The following CFAP53 variants were observed in gnomAD, a reference collection of about 807,000 sequenced individuals.
CFAP53 encodes the protein cilia and flagella associated protein 53.
A neutral mutation model predicts 59.7 loss-of-function variants in CFAP53; 62 were observed. That is an observed-to-expected ratio of 1.04 (90% CI 0.85 to 1.28). The LOEUF (loss-of-function observed/expected upper bound fraction) is 1.28, where lower values mean the gene tolerates loss of function less well. CFAP53 is among the 50% of genes most tolerant of loss of function. CFAP53 has a pLI of 0.00. For synonymous variants in CFAP53, 218 were observed against 205.7 expected, an observed-to-expected ratio of 1.06 and a Z score of -0.51; for missense variants, 629 against 615.6, an observed-to-expected ratio of 1.02 and a Z score of -0.23.
chr18:50,229,922 G>T (rs1270322846), intron 7 of CFAP53, among the ~76,000 whole-genome samples: 1 of 151,372 alleles, frequency 6.6e-6, no homozygotes, highest in Non-Finnish European at 1.5e-5. Flanking sequence ...TAATTTTTTT[G>T]TTGTTGTTGT....
chr18:50,239,853 G>A lies in CFAP53; in HGVS notation c.1214-1148C>T, dbSNP rs558745344. Among the ~76,000 whole-genome samples the A allele has an allele frequency of 3.9e-5, 6 of 152,218 alleles. No individual in the cohort carries two copies. In the South Asian group the frequency reaches 1.0e-3, roughly 26 times the overall value. ...AAAGCTGTGAATAGTAGCTATTCCT[G>A]GGTGGTAGAATTATGGTTGATTTTG... On this transcript the variant is annotated intron_variant, in intron 6 of 7. Coordinates refer to ENST00000398545, the MANE Select transcript of CFAP53 (RefSeq NM_145020.5).
rs187674661 is a variant in CFAP53 at position 50,248,995 on chromosome 18, G to A, written c.996+1763C>T. Among the ~76,000 whole-genome samples, 494 of 151,994 alleles carry A rather than the reference G, an allele frequency of 3.3e-3. 3 individuals carry two copies. The highest frequency in any genetic ancestry group is 0.011 in the African/African-American group (469 of 41,450). On this transcript the variant is annotated intron_variant, in intron 5 of 7. Transcript: ENST00000398545. Reference sequence around the variant, plus strand: ...AGGCAGGTTGATTACCTGAGGTCAGGAGTTTGAGACCAGCCTGGCCAACGT... The same window carrying A: ...AGGCAGGTTGATTACCTGAGGTCAGAAGTTTGAGACCAGCCTGGCCAACGT...
chr18:50,239,438 G>C (rs2033667817), intron 6 of CFAP53, among the ~76,000 whole-genome samples: 1 of 152,112 alleles, frequency 6.6e-6, no homozygotes, highest in Non-Finnish European at 1.5e-5. Flanking sequence ...AAAGGAAACA[G>C]AGTTTACAAA....
Position 50,266,392 on chromosome 18 carries a change from G to T in CFAP53, c.13C>A (p.Arg5=), listed in dbSNP as rs776668421. ...ACCTCCCGCTGTACGGTGCCAAACCGCTGGCTGTACATTTTCGAGTCCCCT... is the reference window on the plus strand; with the variant it reads ...ACCTCCCGCTGTACGGTGCCAAACCTCTGGCTGTACATTTTCGAGTCCCCT... MYSQ[R]FGTVQREVKG... The change falls in exon 1 of 8, where the codon CGG becomes AGG. Residue 5 remains arginine, a synonymous_variant. Transcript: ENST00000398545. The T allele has an allele frequency of 1.2e-6, 2 of 1,614,236 alleles. No homozygotes were observed. The highest frequency in any genetic ancestry group is 2.2e-5 in the East Asian group (1 of 44,884).
intron 4 of CFAP53, 37 bp from the exon 5 acceptor site, chr18:50,251,013 C>T (rs763294187): frequency 2.6e-6 from 4 of 1,552,816 alleles, no homozygotes; most frequent in Non-Finnish European, 3.6e-6. Context: ...TGCATCAGTA[C>T]AGTTGGACAA....
rs148842349 is a variant in CFAP53 at position 50,236,698 on chromosome 18, G to C, written c.1316+1905C>G. ...TGACTACAGTCAGCATACACTGCCAGCTATATGAGTAGGTGTCCTAGGTTG... is the reference window on the plus strand; with the variant it reads ...TGACTACAGTCAGCATACACTGCCACCTATATGAGTAGGTGTCCTAGGTTG... On this transcript the variant is annotated intron_variant, in intron 7 of 7. Coordinates refer to ENST00000398545, the MANE Select transcript of CFAP53 (RefSeq NM_145020.5). 1.8e-3 allele frequency among the ~76,000 whole-genome samples: 276 copies of C among 152,306 alleles called. 2 individuals carry two copies. Among genetic ancestry groups the C allele is most frequent in the Non-Finnish European group, 3.5e-3 (235 of 68,022 alleles).
rs750696529 is a variant in CFAP53 at position 50,266,414 on chromosome 18, C to T, written c.-10G>A. On this transcript the variant is annotated 5_prime_UTR_variant, in exon 1 of 8. Coordinates refer to ENST00000398545, the MANE Select transcript of CFAP53 (RefSeq NM_145020.5). Reference sequence around the variant, plus strand: ...ACCGCTGGCTGTACATTTTCGAGTCCCCTTCGGGACGGGGGCGGCGTCCGC... The same window carrying T: ...ACCGCTGGCTGTACATTTTCGAGTCTCCTTCGGGACGGGGGCGGCGTCCGC... The T allele has an allele frequency of 3.1e-6, 5 of 1,614,166 alleles. No homozygotes were observed. The Admixed American group carries it at 5.0e-5, about 16-fold the overall frequency.
At chr18:50,238,779 A>G in intron 6 of CFAP53, 74 bp from the exon 7 acceptor site, 1 of 1,071,696 alleles carries the variant, frequency 9.3e-7, no homozygotes, top group Non-Finnish European at 1.4e-6. Context: ...TGGGCACCAG[A>G]GTCATATTGT....
At chr18:50,234,893 A>AT (rs2033616588) in intron 7 of CFAP53, among the ~76,000 whole-genome samples, 1 of 152,244 alleles carries the variant, frequency 6.6e-6, no homozygotes, top group African/African-American at 2.4e-5. Context: ...TTTGGTTTGC[A>AT]GGTATACCCA....
chr18:50,261,253 A>C lies in CFAP53; in HGVS notation c.300-16T>G, dbSNP rs1198796897. ...CTCACGTAGCCTGAAACAAAAAGCCAAAAAAAAAAAAAAAAAAAGAAAACT... is the reference window on the plus strand; with the variant it reads ...CTCACGTAGCCTGAAACAAAAAGCCCAAAAAAAAAAAAAAAAAAGAAAACT... On this transcript the variant is annotated splice_polypyrimidine_tract_variant and intron_variant, in intron 2 of 7. Coordinates refer to ENST00000398545, the MANE Select transcript of CFAP53 (RefSeq NM_145020.5). 6.4e-4 allele frequency: 32 copies of C among 50,010 alleles called. No homozygotes were observed. Among genetic ancestry groups the C allele is most frequent in the East Asian group, 2.4e-3 (2 of 840 alleles). 3.1% of individuals were successfully genotyped at this position (50,010 alleles called of 1,614,324 possible). A position where few individuals can be genotyped will look rare whatever the true frequency, so the allele number is the denominator to read the frequency against.
At chr18:50,238,189 T>C (rs2033655950) in intron 7 of CFAP53, among the ~76,000 whole-genome samples, 2 of 152,226 alleles carry the variant, frequency 1.3e-5, no homozygotes, top group South Asian at 4.1e-4. Context: ...ACAAGTGTAA[T>C]ACTAATGTAA....
chr18:50,228,238 C>T (rs952626216), intron 7 of CFAP53, among the ~76,000 whole-genome samples: 4 of 151,666 alleles, frequency 2.6e-5, no homozygotes, highest in East Asian at 2.0e-4. Flanking sequence ...GGATTACAGG[C>T]GTGAGCCACC....
At chr18:50,244,820 G>A (rs558435364) in intron 5 of CFAP53, among the ~76,000 whole-genome samples, 22 of 152,176 alleles carry the variant, frequency 1.4e-4, no homozygotes, top group Non-Finnish European at 2.2e-4. Context: ...CAGCACTTTC[G>A]GAGGCTGAGG....
At chr18:50,259,774 C>T (rs186582864) in intron 3 of CFAP53, among the ~76,000 whole-genome samples, 2 of 152,166 alleles carry the variant, frequency 1.3e-5, no homozygotes, top group African/African-American at 4.8e-5. Context: ...CACTATGTTG[C>T]CCAGGCTGGT....
At chr18:50,251,075 T>A in intron 4 of CFAP53, 99 bp from the exon 5 acceptor site, 1 of 964,676 alleles carries the variant, frequency 1.0e-6, no homozygotes, top group Non-Finnish European at 1.6e-6. Flanking sequence ...TTTCTGGAAA[T>A]ACACACACAC....
At chr18:50,262,527 G>C (rs1438023665) in intron 1 of CFAP53, among the ~76,000 whole-genome samples, 1 of 152,148 alleles carries the variant, frequency 6.6e-6, no homozygotes. Flanking sequence ...CAAACCCAGA[G>C]ACATTAAGTG....
intron 3 of CFAP53, among the ~76,000 whole-genome samples, chr18:50,260,419 TG>T (rs1599132063): frequency 6.6e-6 from 1 of 152,212 alleles, no homozygotes; most frequent in East Asian, 1.9e-4. Flanking sequence ...CCTAATACTT[TG>T]GGTAGCTGAG....
At chr18:50,233,074 T>G (rs898772194) in intron 7 of CFAP53, among the ~76,000 whole-genome samples, 4 of 152,224 alleles carry the variant, frequency 2.6e-5, no homozygotes, top group African/African-American at 7.2e-5. Flanking sequence ...ACTATAAAGT[T>G]AAGTGAAGTC....
At chr18:50,244,446 CTG>C (rs1208971425) in intron 5 of CFAP53, among the ~76,000 whole-genome samples, 2 of 152,294 alleles carry the variant, frequency 1.3e-5, no homozygotes, top group East Asian at 3.9e-4. Context: ...CCATGTGAAA[CTG>C]TGAGTCAATT....
Sources: allele counts gnomAD v4.1 joint callset (sites outside exome capture counted in the v4.1 genomes callset), GRCh38; gene constraint gnomAD v4.1.1; transcripts MANE v1.5; gene names NCBI Gene and HGNC (gene_info 2026-07-23, HGNC 2026-07-21).